The following GALNT10 variants were observed in gnomAD, a reference collection of about 807,000 sequenced individuals.
The protein encoded by GALNT10 is polypeptide N-acetylgalactosaminyltransferase 10, also known as GalNAc transferase 10.
In GALNT10, 41 loss-of-function variants were observed where a neutral mutation model predicts 75.0. The ratio of observed to expected loss-of-function variants is 0.55; its 90% CI spans 0.43 to 0.71. The LOEUF is 0.71. Among genes scored for constraint, GALNT10 ranks in the 30% least tolerant of loss-of-function variants. The pLI is 0.00. For missense variants in GALNT10, 727 were observed against 818.5 expected (o/e 0.89, Z 1.36); for synonymous variants, 302 against 313.0 (o/e 0.96, Z 0.37).
intron 7 of GALNT10, among the ~76,000 whole-genome samples, chr5:154,393,966 G>C (rs1409051499): frequency 2.0e-5 from 3 of 152,198 alleles, no homozygotes; most frequent in Non-Finnish European, 4.4e-5. Flanking sequence ...TTCTGCACAA[G>C]TCAGCAGTGC....
chr5:154,237,011 A>G (rs1034337355), intron 1 of GALNT10, among the ~76,000 whole-genome samples: 1 of 152,176 alleles, frequency 6.6e-6, no homozygotes, highest in Non-Finnish European at 1.5e-5. Flanking sequence ...CATTTTCCAT[A>G]TGGATGCCCT....
rs5872372 is a variant in GALNT10 at position 154,328,083 on chromosome 5, GA to G, written c.402-1478del. ...TTTCTTCAACAAACAAATCGAAGGG[GA>G]AAAAAAAAAAGGAGGGCAGAAGCTT... On this transcript the variant is annotated intron_variant, in intron 3 of 11. Coordinates refer to ENST00000297107, the MANE Select transcript of GALNT10 (RefSeq NM_198321.4). Among the ~76,000 whole-genome samples the G allele has an allele frequency of 0.011, 1,658 of 147,492 alleles. 65 individuals are homozygous for G. The East Asian group carries it at 0.15, about 13-fold the overall frequency.
chr5:154,191,073 C>G, intron 1 of GALNT10, 48 bp downstream of exon 1: 2 of 1,268,888 alleles, frequency 1.6e-6, no homozygotes, highest in South Asian at 3.7e-5. Flanking sequence ...TTCCCGAATT[C>G]ACTTTTAGCC....
At chr5:154,354,401 G>A (rs1397813748) in intron 4 of GALNT10, among the ~76,000 whole-genome samples, 1 of 152,208 alleles carries the variant, frequency 6.6e-6, no homozygotes, top group Admixed American at 6.5e-5. Context: ...ACACCCAGCA[G>A]GTATGCTCTT....
intron 1 of GALNT10, chr5:154,219,737 C>T (rs1411637612): frequency 6.6e-6 from 1 of 152,004 alleles, no homozygotes; most frequent in African/African-American, 2.4e-5. Context: ...TCTTTCCAAG[C>T]CCAACGTTTT....
Position 154,298,108 on chromosome 5 carries a change from A to C in GALNT10, c.401+29A>C, listed in dbSNP as rs765066945. 1.2e-6 allele frequency: 2 copies of C among 1,600,498 alleles called. No homozygotes were observed. Among genetic ancestry groups the C allele is most frequent in the South Asian group, 2.2e-5 (2 of 90,338 alleles). ...AGTGTAACATCTCTCAAATTCTGAG[A>C]TCTAAGGATGTTTCCCTGGCTGTTG... is the stretch of plus-strand genomic sequence containing the variant. On this transcript the variant is annotated intron_variant, in intron 3 of 11. Coordinates refer to ENST00000297107, the MANE Select transcript of GALNT10 (RefSeq NM_198321.4). This position sits in a 1 kb window ranked among gnomAD's most constrained non-coding sequence, Gnocchi z 4.1.
intron 7 of GALNT10, among the ~76,000 whole-genome samples, chr5:154,401,917 A>G (rs1053440073): frequency 2.6e-5 from 4 of 152,056 alleles, no homozygotes; most frequent in Non-Finnish European, 4.4e-5. Flanking sequence ...CCTGCCCCCC[A>G]TTCCACAAAT....
chr5:154,200,570 G>A (rs965196802), intron 1 of GALNT10, among the ~76,000 whole-genome samples: 2 of 148,826 alleles, frequency 1.3e-5, no homozygotes, highest in Non-Finnish European at 3.0e-5. Context: ...GTTAAAATGT[G>A]TATGTGTGTG....
chr5:154,306,139 G>T (rs946795332), intron 3 of GALNT10, among the ~76,000 whole-genome samples: 8 of 152,056 alleles, frequency 5.3e-5, no homozygotes, highest in Non-Finnish European at 1.0e-4. Context: ...AATCAGCAAG[G>T]ATATAGTAGA....
intron 1 of GALNT10, among the ~76,000 whole-genome samples, chr5:154,269,303 C>A (rs1321554342): frequency 1.3e-5 from 2 of 152,152 alleles, no homozygotes; most frequent in African/African-American, 4.8e-5. Flanking sequence ...ATTATTGTTC[C>A]TTTCCAAGAA....
intron 1 of GALNT10, among the ~76,000 whole-genome samples, chr5:154,204,384 A>C (rs375195824): frequency 6.6e-6 from 1 of 151,922 alleles, no homozygotes; most frequent in African/African-American, 2.4e-5. Flanking sequence ...TCCTACCTCC[A>C]CCCTGAAATC....
rs1186907913 is a variant in GALNT10, at chr5:154,330,913, G to GTGTGTA, written c.568+1180_568+1181insATGTGT. Among the ~76,000 whole-genome samples the GTGTGTA allele has an allele frequency of 3.3e-3, 260 of 78,586 alleles. 1 individual carries two copies. The highest frequency in any genetic ancestry group is 8.7e-3 in the African/African-American group (244 of 27,996). 51.6% of individuals were successfully genotyped at this position (78,586 alleles called of 152,430 possible). A position where few individuals can be genotyped will look rare whatever the true frequency, so the allele number is the denominator to read the frequency against. ...GGCCTCAGAGAGACAGAGAGGGTGT[G>GTGTGTA]TGTGTGTGTGTGTGTGTGTGTGTGT... On this transcript the variant is annotated intron_variant, in intron 4 of 11. Transcript: ENST00000297107.
At chr5:154,397,088 T>C (rs1756032842) in intron 7 of GALNT10, among the ~76,000 whole-genome samples, 2 of 150,838 alleles carry the variant, frequency 1.3e-5, no homozygotes, top group Admixed American at 6.6e-5. Context: ...GATTGTGCCA[T>C]TGTACTCCAT....
At position 154,406,715 on chromosome 5, in the gene GALNT10, T is replaced by C. The variant is rs768216727; in HGVS notation, c.1164+2504T>C. 4.1e-4 allele frequency among the ~76,000 whole-genome samples: 62 copies of C among 152,240 alleles called. 1 individual carries two copies. Among genetic ancestry groups the C allele is most frequent in the Non-Finnish European group, 4.1e-4 (28 of 68,008 alleles). ...GGGAGGCTGAGGCAGGAGAATGGCT[T>C]GAACCCGGGAGGCGGAAGTTGCAGT... is the stretch of plus-strand genomic sequence containing the variant. On this transcript the variant is annotated intron_variant, in intron 8 of 11. Coordinates refer to ENST00000297107, the MANE Select transcript of GALNT10 (RefSeq NM_198321.4).
At chr5:154,414,280 CAT>C (rs1393991209) in intron 10 of GALNT10, among the ~76,000 whole-genome samples, 8 of 152,272 alleles carry the variant, frequency 5.3e-5, no homozygotes, top group Non-Finnish European at 8.8e-5. Flanking sequence ...AGAAAGAAAA[CAT>C]GTGTCCATAC....
At chr5:154,382,335 T>G (rs1413674349) in intron 6 of GALNT10, among the ~76,000 whole-genome samples, 1 of 152,258 alleles carries the variant, frequency 6.6e-6, no homozygotes, top group Non-Finnish European at 1.5e-5. Context: ...GGTCTTCTCT[T>G]GGCCTCTTGA....
rs1300961502 is a variant in GALNT10, at chr5:154,298,858, G to A, written c.401+779G>A. On this transcript the variant is annotated intron_variant, in intron 3 of 11. Coordinates refer to ENST00000297107, the MANE Select transcript of GALNT10 (RefSeq NM_198321.4). The surrounding 1 kb of genome is among the most constrained non-coding windows in gnomAD (Gnocchi z 4.1). Reference sequence around the variant, plus strand: ...ATCACTTGGAGGGTTGTTAGACACAGGATATTGAGGCCTCAAAGCTGTTGA... The same window carrying A: ...ATCACTTGGAGGGTTGTTAGACACAAGATATTGAGGCCTCAAAGCTGTTGA... Among the ~76,000 whole-genome samples the A allele has an allele frequency of 6.6e-6, 1 of 152,160 alleles. No individual in the cohort carries two copies. Among genetic ancestry groups the A allele is most frequent in the Non-Finnish European group, 1.5e-5 (1 of 68,022 alleles).
intron 3 of GALNT10, among the ~76,000 whole-genome samples, chr5:154,329,280 CAG>C (rs1754805563): frequency 6.6e-6 from 1 of 152,174 alleles, no homozygotes. Flanking sequence ...CACAGCTGGA[CAG>C]AGAGGCCAGA....
intron 4 of GALNT10, among the ~76,000 whole-genome samples, chr5:154,336,759 A>G (rs910287039): frequency 2.0e-5 from 3 of 152,172 alleles, no homozygotes; most frequent in Admixed American, 2.0e-4. Context: ...CTGTATAATC[A>G]TACTAACATA....
Sources: gnomAD v4.1 joint callset for allele counts (sites outside exome capture counted in the v4.1 genomes callset) on GRCh38, gnomAD v4.1.1 for gene constraint, Gnocchi (gnomAD v3.1) non-coding constraint, MANE v1.5 for transcripts, NCBI Gene and HGNC (gene_info 2026-07-23, HGNC 2026-07-21) for gene names.